The following MAD1L1 variants were observed in gnomAD, a reference collection of about 807,000 sequenced individuals.
MAD1L1 encodes mitotic spindle assembly checkpoint protein MAD1.
MAD1L1 carries 95 observed loss-of-function variants against 96.9 expected under a neutral mutation model. The ratio of observed to expected loss-of-function variants is 0.98; its 90% CI spans 0.83 to 1.16. The LOEUF is 1.16. Ranked by LOEUF, MAD1L1 falls within the 50% of genes most tolerant of loss-of-function variation. MAD1L1 has a pLI of 0.00. For missense variants in MAD1L1, 1,007 were observed against 954.4 expected (o/e 1.06, Z -0.73); for synonymous variants, 473 against 396.6 (o/e 1.19, Z -2.29).
chr7:2,060,190 G>A lies in MAD1L1; in HGVS notation c.1218+9004C>T, dbSNP rs529071657. ...AGATACGCCGATGCCGAGATACACC[G>A]ATGCCAAGATACGCAGATGCCAAGT... On this transcript the variant is annotated intron_variant, in intron 12 of 18. Transcript: ENST00000265854. Among the ~76,000 whole-genome samples, 274 of 150,174 alleles carry A rather than the reference G, an allele frequency of 1.8e-3. 5 individuals are homozygous for A. Among genetic ancestry groups the A allele is most frequent in the African/African-American group, 6.6e-3 (265 of 40,418 alleles).
At chr7:2,051,257 G>T (rs1019692787) in intron 12 of MAD1L1, among the ~76,000 whole-genome samples, 3 of 151,202 alleles carry the variant, frequency 2.0e-5, no homozygotes, top group Non-Finnish European at 4.5e-5. Context: ...CTGGGCACTG[G>T]AGGAGCCTCC....
intron 10 of MAD1L1, among the ~76,000 whole-genome samples, chr7:2,209,127 CAT>C (rs1460137450): frequency 6.6e-6 from 1 of 152,196 alleles, no homozygotes; most frequent in Admixed American, 6.5e-5. Flanking sequence ...GTGTGCTGCA[CAT>C]GTCACATGTG....
intron 10 of MAD1L1, among the ~76,000 whole-genome samples, chr7:2,163,729 C>T (rs1000372325): frequency 1.3e-5 from 2 of 152,090 alleles, no homozygotes; most frequent in African/African-American, 4.8e-5. Context: ...CAGCAGGAAT[C>T]GACACTCTCC....
At chr7:1,947,345 G>C (rs997698598) in intron 16 of MAD1L1, among the ~76,000 whole-genome samples, 1 of 152,276 alleles carries the variant, frequency 6.6e-6, no homozygotes, top group African/African-American at 2.4e-5. Context: ...AGCAGAGAAA[G>C]CGCTGGAAGG....
At chr7:2,120,778 G>A (rs1410271326) in intron 11 of MAD1L1, among the ~76,000 whole-genome samples, 1 of 152,218 alleles carries the variant, frequency 6.6e-6, no homozygotes, top group Non-Finnish European at 1.5e-5. Context: ...GCGGGAGGCA[G>A]CCTGCGAGCC....
chr7:1,914,026 C>A (rs1035670869), intron 17 of MAD1L1, among the ~76,000 whole-genome samples: 3 of 152,124 alleles, frequency 2.0e-5, no homozygotes, highest in African/African-American at 7.2e-5. Flanking sequence ...GGTCTCCCCC[C>A]CCAGCACGCC....
At chr7:1,972,326 G>C (rs539315816) in intron 15 of MAD1L1, among the ~76,000 whole-genome samples, 1 of 152,122 alleles carries the variant, frequency 6.6e-6, no homozygotes, top group African/African-American at 2.4e-5. Context: ...GAAACCATTT[G>C]GGCCTAGGGA....
At chr7:1,842,983 A>G (rs1039815979) in intron 18 of MAD1L1, among the ~76,000 whole-genome samples, 1 of 152,204 alleles carries the variant, frequency 6.6e-6, no homozygotes, top group Non-Finnish European at 1.5e-5. Context: ...TGAGGCCCAC[A>G]GTGGGGCTGC....
intron 18 of MAD1L1, among the ~76,000 whole-genome samples, chr7:1,885,464 G>A (rs1785953647): frequency 6.9e-6 from 1 of 144,420 alleles, no homozygotes; most frequent in Admixed American, 7.1e-5. Flanking sequence ...CAGGAGAGAA[G>A]TCCAGGGGGC....
chr7:1,870,958 C>T (rs1178077838), intron 18 of MAD1L1, among the ~76,000 whole-genome samples: 1 of 146,996 alleles, frequency 6.8e-6, no homozygotes, highest in African/African-American at 2.5e-5. Context: ...CCCACCGTAA[C>T]ACCTGCCACG....
chr7:2,229,995 G>GC lies in MAD1L1; in HGVS notation c.138dup (p.Gln47AlafsTer53). On this transcript the variant is annotated frameshift_variant, in exon 3 of 19. Coordinates refer to ENST00000265854, the MANE Select transcript of MAD1L1 (RefSeq NM_001013836.2). LOFTEE classifies it high-confidence loss of function. ...CACATGCCACTCACCTGCATGCTCT[G>GC]CTGGTACTGCATCTGCAGAGAACCT... The GC allele has an allele frequency of 6.2e-7, 1 of 1,612,860 alleles. No individual in the cohort carries two copies. The highest frequency in any genetic ancestry group is 8.5e-7 in the Non-Finnish European group (1 of 1,180,006).
rs145364483 is a variant in MAD1L1, at chr7:2,083,720, C to T, written c.1074-14382G>A. On this transcript the variant is annotated intron_variant, in intron 11 of 18. Coordinates refer to ENST00000265854, the MANE Select transcript of MAD1L1 (RefSeq NM_001013836.2). Reference sequence around the variant, plus strand: ...GCCTCCGCCACTGACCTGCAGCAGGCTGTGTACCAAGAAGACCAACATTTC... The same window carrying T: ...GCCTCCGCCACTGACCTGCAGCAGGTTGTGTACCAAGAAGACCAACATTTC... 1.1e-4 allele frequency among the ~76,000 whole-genome samples: 17 copies of T among 152,388 alleles called. No homozygotes were observed. In the East Asian group the frequency reaches 3.3e-3, roughly 29 times the overall value.
chr7:2,011,911 G>T (rs1172098296), intron 13 of MAD1L1, among the ~76,000 whole-genome samples: 1 of 152,200 alleles, frequency 6.6e-6, no homozygotes, highest in Non-Finnish European at 1.5e-5. Flanking sequence ...GGCAGAGGAG[G>T]CTGTGAGGGC....
At chr7:2,157,428 T>C (rs1789900736) in intron 10 of MAD1L1, among the ~76,000 whole-genome samples, 1 of 152,020 alleles carries the variant, frequency 6.6e-6, no homozygotes, top group Non-Finnish European at 1.5e-5. Flanking sequence ...ACTAAGAGAC[T>C]GAGAAGAGAA....
At chr7:2,218,727 C>T (rs947579571) in intron 6 of MAD1L1, among the ~76,000 whole-genome samples, 4 of 151,438 alleles carry the variant, frequency 2.6e-5, no homozygotes, top group East Asian at 1.9e-4. Context: ...GGTTACAAAG[C>T]GAGACCGCCA....
At chr7:1,868,423 T>C (rs1168828811) in intron 18 of MAD1L1, among the ~76,000 whole-genome samples, 2 of 152,112 alleles carry the variant, frequency 1.3e-5, no homozygotes, top group Non-Finnish European at 2.9e-5. Context: ...CCTCCCGGGC[T>C]GCGTGCTGCT....
intron 12 of MAD1L1, among the ~76,000 whole-genome samples, chr7:2,015,029 C>A (rs1782473895): frequency 6.6e-6 from 1 of 152,214 alleles, no homozygotes. Context: ...AGGTTCCCCA[C>A]CCCAGCCTGT....
chr7:1,851,996 C>T (rs937617538), intron 18 of MAD1L1, among the ~76,000 whole-genome samples: 7 of 152,140 alleles, frequency 4.6e-5, no homozygotes, highest in African/African-American at 9.7e-5. Context: ...TCAGCGGCAA[C>T]GAGAGGGGCT....
chr7:2,052,467 C>T (rs1053262519), intron 12 of MAD1L1, among the ~76,000 whole-genome samples: 5 of 151,880 alleles, frequency 3.3e-5, no homozygotes, highest in Admixed American at 6.6e-5. Context: ...GGACAGCTCA[C>T]TAGGGCCCAG....
Sources: gnomAD v4.1 joint callset for allele counts (sites outside exome capture counted in the v4.1 genomes callset) on GRCh38, gnomAD v4.1.1 for gene constraint, MANE v1.5 for transcripts, NCBI Gene and HGNC (gene_info 2026-07-23, HGNC 2026-07-21) for gene names.